The following DENND6B variants were observed in gnomAD, a reference collection of about 807,000 sequenced individuals.
DENND6B encodes DENN domain containing 6B.
A neutral mutation model predicts 85.1 loss-of-function variants in DENND6B; 73 were observed. The observed-to-expected ratio is 0.86, with a 90% CI of 0.71 to 1.04. The LOEUF is 1.04. DENND6B is among the 50% of genes least tolerant of loss of function. The pLI is 0.00. For missense variants in DENND6B, 715 were observed against 785.8 expected (o/e 0.91, Z 1.08); for synonymous variants, 357 against 329.3 (o/e 1.08, Z -0.91).
At chr22:50,314,129 G>GC in intron 13 of DENND6B, 78 bp downstream of exon 13, 1 of 1,488,328 alleles carries the variant, frequency 6.7e-7, no homozygotes, top group South Asian at 1.3e-5. Context: ...GGGCCTGGCT[G>GC]CCCCACCCGA....
chr22:50,323,619 G>C (rs2042116128), intron 1 of DENND6B, among the ~76,000 whole-genome samples: 1 of 150,598 alleles, frequency 6.6e-6, no homozygotes, highest in Non-Finnish European at 1.5e-5. Context: ...TGTGGGTTTT[G>C]CTATATTGAC....
chr22:50,319,242 T>C lies in DENND6B; in HGVS notation c.178-239A>G, dbSNP rs1021377213. ...TGCATCCTCCCCACACCACCTTCTC[T>C]GGCTGTGATGTCTGGCTCCTTGCTG... On this transcript the variant is annotated intron_variant, in intron 1 of 19. Coordinates refer to ENST00000413817, the MANE Select transcript of DENND6B (RefSeq NM_001001794.4). 9.6e-6 allele frequency: 14 copies of C among 1,452,792 alleles called. No homozygotes were observed. In the African/African-American group the frequency reaches 2.0e-4, roughly 20 times the overall value. 90.0% of individuals were successfully genotyped at this position (1,452,792 alleles called of 1,614,324 possible).
Position 50,316,185 on chromosome 22 carries a change from C to T in DENND6B, c.628G>A (p.Val210Ile), listed in dbSNP as rs1485241907. 9 of 1,612,344 alleles carry T rather than the reference C, an allele frequency of 5.6e-6. No individual in the cohort carries two copies. Among genetic ancestry groups the T allele is most frequent in the African/African-American group, 1.3e-5 (1 of 75,058 alleles). The change falls in exon 7 of 20, where the codon GTT becomes ATT. Residue 210 changes from valine (V) to isoleucine (I), a missense_variant. Physicochemically the swap from Val to Ile is conservative, Grantham distance 29. Transcript: ENST00000413817. ...CAGCTGGCTCTCACCTGGACAACAACGCCCATGACAGGTAGGTTCAGGGTC... is the reference window on the plus strand; with the variant it reads ...CAGCTGGCTCTCACCTGGACAACAATGCCCATGACAGGTAGGTTCAGGGTC... ...GQTLNLPVMG[V>I]VVQVRIPSRV...
chr22:50,314,504 C>CAGAGAGAGAGAAGAGGCAG lies in DENND6B; in HGVS notation c.978-29_978-11dup. 6.4e-7 allele frequency: 1 copy of CAGAGAGAGAGAAGAGGCAG among 1,556,406 alleles called. No individual in the cohort carries two copies. The highest frequency in any genetic ancestry group is 8.7e-7 in the Non-Finnish European group (1 of 1,149,432). ...CAGGACCACGTTTGGTCTAGACAGA[C>CAGAGAGAGAGAAGAGGCAG]AGAGAGAGAGAAGAGGCAGAGACAG... On this transcript the variant is annotated splice_polypyrimidine_tract_variant and intron_variant, in intron 11 of 19. Transcript: ENST00000413817.
chr22:50,325,231 G>A (rs983465664), intron 1 of DENND6B, among the ~76,000 whole-genome samples: 8 of 152,042 alleles, frequency 5.3e-5, no homozygotes, highest in Non-Finnish European at 1.2e-4. Context: ...CCCAGCAAAA[G>A]CTCAGGAGTC....
intron 5 of DENND6B, chr22:50,316,862 G>A (rs1452687575): frequency 1.4e-6 from 1 of 690,726 alleles, no homozygotes; most frequent in Non-Finnish European, 1.9e-6. Flanking sequence ...GGGCAGCAGT[G>A]TCCTGGACCA....
At chr22:50,325,053 G>A (rs968616662) in intron 1 of DENND6B, among the ~76,000 whole-genome samples, 1 of 152,186 alleles carries the variant, frequency 6.6e-6, no homozygotes, top group African/African-American at 2.4e-5. Flanking sequence ...AGGTGAGGGA[G>A]GAAAGGCAAG....
rs2068048836 is a variant in DENND6B, at chr22:50,310,740, C to G, written c.*1399G>C. 3.3e-5 allele frequency: 5 copies of G among 152,192 alleles called. 1 individual carries two copies. The South Asian group carries it at 8.3e-4, about 25-fold the overall frequency. The allele number at this position is 152,192 out of a possible 1,614,324, so 9.4% of individuals were successfully genotyped here. On this transcript the variant is annotated 3_prime_UTR_variant, in exon 20 of 20. Transcript: ENST00000413817. ...CGGGCGGATTACGAGGTCAGGAGAT[C>G]GAGACCATCCTGGCTAACATGGTGA...
In DENND6B at chr22:50,326,865, G is replaced by T; in HGVS notation, c.124C>A (p.Leu42Met). Residue 42 changes from leucine (L) to methionine (M), a missense_variant, in exon 1 of 20, where the codon CTG becomes ATG. Leu to Met is a conservative substitution (Grantham distance 15, BLOSUM62 2). Coordinates refer to ENST00000413817, the MANE Select transcript of DENND6B (RefSeq NM_001001794.4). ...AAPWARFSAWLECVCVVTFDL... is the reference protein window; with the variant it reads ...AAPWARFSAWMECVCVVTFDL... ...AAGGTGACCACGCACACACACTCCA[G>T]CCAGGCGGAGAAGCGCGCCCAGGGC... is the stretch of plus-strand genomic sequence containing the variant. The T allele has an allele frequency of 7.0e-7, 1 of 1,427,698 alleles. No homozygotes were observed. The highest frequency in any genetic ancestry group is 9.2e-7 in the Non-Finnish European group (1 of 1,092,354). The allele number at this position is 1,427,698 out of a possible 1,614,324, so 88.4% of individuals were successfully genotyped here. A position where few individuals can be genotyped will look rare whatever the true frequency, so the allele number is the denominator to read the frequency against.
chr22:50,319,591 C>T, intron 1 of DENND6B: 1 of 901,494 alleles, frequency 1.1e-6, no homozygotes, highest in Non-Finnish European at 1.3e-6. Flanking sequence ...CCCTCACCAC[C>T]CGCCAAGCCA....
At chr22:50,312,907 G>C in intron 17 of DENND6B, 92 bp downstream of exon 17, 1 of 1,042,620 alleles carries the variant, frequency 9.6e-7, no homozygotes, top group Non-Finnish European at 1.4e-6. Flanking sequence ...GGGGCCATGG[G>C]GATGACCCTG....
At chr22:50,324,328 T>C (rs1402562128) in intron 1 of DENND6B, among the ~76,000 whole-genome samples, 6 of 152,226 alleles carry the variant, frequency 3.9e-5, no homozygotes, top group African/African-American at 1.4e-4. Flanking sequence ...CACTGGCACA[T>C]AGTGTGAACT....
chr22:50,323,204 C>A (rs1341771041), intron 1 of DENND6B, among the ~76,000 whole-genome samples: 1 of 150,654 alleles, frequency 6.6e-6, no homozygotes, highest in Non-Finnish European at 1.5e-5. Context: ...CAACCTCCAA[C>A]TCCTGGACTC....
chr22:50,318,118 C>T (rs2041915664), intron 3 of DENND6B, 98 bp from the exon 4 acceptor site: 1 of 1,217,620 alleles, frequency 8.2e-7, no homozygotes, highest in African/African-American at 1.5e-5. Flanking sequence ...GCGAGCCTGG[C>T]CTCTGCTGGT....
chr22:50,314,191 C>T lies in DENND6B; in HGVS notation c.1138+16G>A, dbSNP rs765433530. Reference sequence around the variant, plus strand: ...TCTCCACGGTGGAGGGGCTCCAGGTCGAGGGGAGCACAGACCTGGCTTGGT... The same window carrying T: ...TCTCCACGGTGGAGGGGCTCCAGGTTGAGGGGAGCACAGACCTGGCTTGGT... On this transcript the variant is annotated intron_variant, in intron 13 of 19. Coordinates refer to ENST00000413817, the MANE Select transcript of DENND6B (RefSeq NM_001001794.4). 91 of 1,595,934 alleles carry T rather than the reference C, an allele frequency of 5.7e-5. No individual in the cohort carries two copies. The highest frequency in any genetic ancestry group is 3.8e-4 in the South Asian group (34 of 90,550).
At chr22:50,318,925 C>T in intron 2 of DENND6B, 36 bp from the exon 3 acceptor site, 2 of 1,610,690 alleles carry the variant, frequency 1.2e-6, no homozygotes, top group Non-Finnish European at 1.7e-6. Context: ...GGCCGACCCA[C>T]TCCTGGGTCC....
In DENND6B at chr22:50,317,253, C is replaced by T. The variant is rs766619960; in HGVS notation, c.453+40G>A. On this transcript the variant is annotated intron_variant, in intron 5 of 19. Transcript: ENST00000413817. Reference sequence around the variant, plus strand: ...CCTCCTGCTGCCTGCCAGCTCCTGCCGCTCTTGAGGTGCCAGCCCAGAGTG... The same window carrying T: ...CCTCCTGCTGCCTGCCAGCTCCTGCTGCTCTTGAGGTGCCAGCCCAGAGTG... The T allele has an allele frequency of 2.1e-5, 33 of 1,608,708 alleles. No homozygotes were observed. The Middle Eastern group carries it at 4.9e-4, about 24-fold the overall frequency.
chr22:50,313,675 C>A lies in DENND6B; in HGVS notation c.1253G>T (p.Arg418Leu), dbSNP rs369679219. 1 of 1,598,514 alleles carries A rather than the reference C, an allele frequency of 6.3e-7. No homozygotes were observed. The highest frequency in any genetic ancestry group is 1.1e-5 in the South Asian group (1 of 88,704). The stretch of plus-strand genomic sequence containing the variant: ...GCTCTGGGTGAGCTCCAGGAGGTGC[C>A]GCCGCAGCAGGGCGCTCTGCACATC... ...PSDVQSALLRRHLLELTQSFI... is the reference protein window; with the variant it reads ...PSDVQSALLRLHLLELTQSFI... Residue 418 changes from arginine (R) to leucine (L), a missense_variant, in exon 15 of 20, where the codon CGG becomes CTG. Physicochemically the swap from Arg to Leu is moderately radical, Grantham distance 102. Transcript: ENST00000413817.
intron 1 of DENND6B, among the ~76,000 whole-genome samples, chr22:50,324,836 T>C (rs1384242590): frequency 2.0e-5 from 3 of 152,212 alleles, no homozygotes; most frequent in Non-Finnish European, 4.4e-5. Context: ...CTGTCTCTTC[T>C]CAGCATCCAA....
Sources: allele counts gnomAD v4.1 joint callset (sites outside exome capture counted in the v4.1 genomes callset), GRCh38; gene constraint gnomAD v4.1.1; transcripts MANE v1.5; gene names NCBI Gene and HGNC (gene_info 2026-07-23, HGNC 2026-07-21).